Variants in MCHR2 observed in about 807,000 individuals in gnomAD.
MCHR2 encodes melanin concentrating hormone receptor 2.
MCHR2 carries 15 observed loss-of-function variants against 24.8 expected under a neutral mutation model. The observed-to-expected ratio is 0.60, with a 90% CI of 0.40 to 0.93. The LOEUF is 0.93. MCHR2 is among the 40% of genes least tolerant of loss of function. The pLI, the probability that MCHR2 is intolerant of heterozygous loss-of-function variation, is 0.00. For missense variants in MCHR2, 386 were observed against 408.7 expected (o/e 0.94, Z 0.48); for synonymous variants, 151 against 147.6 (o/e 1.02, Z -0.17).
chr6:99,958,928 G>C (rs1254411191), intron 1 of MCHR2, among the ~76,000 whole-genome samples: 1 of 152,164 alleles, frequency 6.6e-6, no homozygotes, highest in East Asian at 1.9e-4. Flanking sequence ...GGCATATTCT[G>C]GATACCTGGG....
At chr6:99,972,820 C>T (rs560240463) in intron 1 of MCHR2, among the ~76,000 whole-genome samples, 39 of 152,102 alleles carry the variant, frequency 2.6e-4, no homozygotes, top group Non-Finnish European at 5.4e-4. Flanking sequence ...TTGTTATGTA[C>T]CCAGTAGTCA....
intron 1 of MCHR2, among the ~76,000 whole-genome samples, chr6:99,980,282 A>T (rs1183143510): frequency 6.6e-6 from 1 of 152,208 alleles, no homozygotes; most frequent in Non-Finnish European, 1.5e-5. Flanking sequence ...AAAGAAGGCA[A>T]CGTGCTCCAC....
intron 5 of MCHR2, among the ~76,000 whole-genome samples, chr6:99,931,691 A>G (rs1054084547): frequency 6.6e-6 from 1 of 152,134 alleles, no homozygotes; most frequent in Non-Finnish European, 1.5e-5. Flanking sequence ...CCCGTCGGAA[A>G]AGCGCAGTAT....
At chr6:99,923,524 T>G (rs13192824) in intron 5 of MCHR2, among the ~76,000 whole-genome samples, 31,672 of 151,908 alleles carry the variant, frequency 0.21, 3,527 homozygotes, top group African/African-American at 0.25. Flanking sequence ...GCTAGCTGGG[T>G]GTCTGTCATA....
intron 5 of MCHR2, among the ~76,000 whole-genome samples, chr6:99,931,421 G>T (rs1774532876): frequency 6.6e-6 from 1 of 152,196 alleles, no homozygotes. Flanking sequence ...CTTTTTGTTT[G>T]TCTGTGCCCT....
chr6:99,945,474 C>A (rs953750452), intron 3 of MCHR2, among the ~76,000 whole-genome samples: 1 of 152,090 alleles, frequency 6.6e-6, no homozygotes. Flanking sequence ...ACTAAATATT[C>A]TACACACTTG....
At chr6:99,987,077 G>T (rs1420852342) in intron 1 of MCHR2, among the ~76,000 whole-genome samples, 3 of 148,382 alleles carry the variant, frequency 2.0e-5, no homozygotes, top group Admixed American at 6.8e-5. Flanking sequence ...TATTGTGTTT[G>T]TTGTGTTGTG....
chr6:99,972,136 T>G (rs1426109814), intron 1 of MCHR2, among the ~76,000 whole-genome samples: 6 of 151,382 alleles, frequency 4.0e-5, no homozygotes, highest in Admixed American at 1.3e-4. Context: ...AGAAGGAATG[T>G]TACCAGCTCC....
At chr6:99,925,220 GC>G (rs1304319064) in intron 5 of MCHR2, among the ~76,000 whole-genome samples, 2 of 151,710 alleles carry the variant, frequency 1.3e-5, no homozygotes, top group Non-Finnish European at 2.9e-5. Flanking sequence ...GACTACTCCT[GC>G]TTTTTTTGGT....
rs75937873 is a variant in MCHR2 at position 99,953,092 on chromosome 6, C to A, written c.182+2874G>T. On this transcript the variant is annotated intron_variant, in intron 2 of 5. Transcript: ENST00000281806. ...TTGACTTTTAGAAGAGTTCACATTGCCCATGTCTTCCTTTTTTACAACTTT... is the reference window on the plus strand; with the variant it reads ...TTGACTTTTAGAAGAGTTCACATTGACCATGTCTTCCTTTTTTACAACTTT... Among the ~76,000 whole-genome samples the A allele has an allele frequency of 3.3e-5, 5 of 152,168 alleles. No individual in the cohort carries two copies. In the East Asian group the frequency reaches 9.7e-4, roughly 29 times the overall value.
At position 99,947,950 on chromosome 6, in the gene MCHR2, A is replaced by C; in HGVS notation, c.204T>G (p.Pro68=). ...CAGCCAGGTTGCAGATATAGATGTC[A>C]GGGACTGTTTTTTTCCTGGATCTGA... ...TIIRSRKKTV[P]DIYICNLAVA... The change falls in exon 3 of 6, where the codon CCT becomes CCG. Residue 68 remains proline, a synonymous_variant. Transcript: ENST00000281806. 2.5e-6 allele frequency: 4 copies of C among 1,613,600 alleles called. No homozygotes were observed. Among genetic ancestry groups the C allele is most frequent in the Non-Finnish European group, 3.4e-6 (4 of 1,179,710 alleles).
chr6:99,952,324 A>T (rs896399141), intron 2 of MCHR2, among the ~76,000 whole-genome samples: 5 of 152,266 alleles, frequency 3.3e-5, no homozygotes, highest in Middle Eastern at 3.4e-3. Context: ...AAAAAGGCAC[A>T]TAGAACATCT....
At chr6:99,984,938 C>A (rs1025110430) in intron 1 of MCHR2, among the ~76,000 whole-genome samples, 2 of 151,992 alleles carry the variant, frequency 1.3e-5, no homozygotes, top group African/African-American at 4.8e-5. Flanking sequence ...CTAAGGACTC[C>A]TTGAAGAGAC....
intron 1 of MCHR2, among the ~76,000 whole-genome samples, chr6:99,971,804 A>G (rs998541447): frequency 6.6e-6 from 1 of 152,180 alleles, no homozygotes; most frequent in Non-Finnish European, 1.5e-5. Flanking sequence ...CCTTTTCTGC[A>G]TCTATTGAGA....
intron 5 of MCHR2, among the ~76,000 whole-genome samples, chr6:99,924,515 T>G (rs1774308382): frequency 6.6e-6 from 1 of 152,080 alleles, no homozygotes. Context: ...TTGACATTTT[T>G]CATCTTTTTG....
rs201703300 is a variant in MCHR2 at position 99,942,967 on chromosome 6, G to C, written c.569C>G (p.Ser190Cys). Residue 190 changes from serine to cysteine, a missense_variant, in exon 4 of 6, where the codon TCC becomes TGC. Transcript: ENST00000281806. ...GVESCAFDLT[S>C]PDDVLWYTLY... ...AACTTACCAGAGTACATCGTCAGGG[G>C]ATGTCAAATCAAAAGCACAACTCTC... is the stretch of plus-strand genomic sequence containing the variant. 6.2e-7 allele frequency: 1 copy of C among 1,611,718 alleles called. No individual in the cohort carries two copies. Among genetic ancestry groups the C allele is most frequent in the African/African-American group, 1.3e-5 (1 of 74,920 alleles).
At chr6:99,980,859 G>C (rs1775656035) in intron 1 of MCHR2, among the ~76,000 whole-genome samples, 1 of 152,136 alleles carries the variant, frequency 6.6e-6, no homozygotes, top group South Asian at 2.1e-4. Flanking sequence ...AAACATCAAA[G>C]AAAAGATATA....
intron 1 of MCHR2, among the ~76,000 whole-genome samples, chr6:99,976,939 C>G (rs1270423461): frequency 6.6e-6 from 1 of 152,214 alleles, no homozygotes; most frequent in Non-Finnish European, 1.5e-5. Context: ...CTCATACATT[C>G]CATAGCATCA....
intron 1 of MCHR2, among the ~76,000 whole-genome samples, chr6:99,974,941 C>G (rs1775516460): frequency 6.6e-6 from 1 of 152,168 alleles, no homozygotes; most frequent in Non-Finnish European, 1.5e-5. Flanking sequence ...GAAGTTTTGT[C>G]TCAGAGGAGT....
Sources: gnomAD v4.1 joint callset for allele counts (sites outside exome capture counted in the v4.1 genomes callset) on GRCh38, gnomAD v4.1.1 for gene constraint, MANE v1.5 for transcripts, NCBI Gene and HGNC (gene_info 2026-07-23, HGNC 2026-07-21) for gene names.